Variants in FARP2 observed in about 807,000 individuals in gnomAD.
The protein encoded by FARP2 is FERM, ARHGEF and pleckstrin domain-containing protein 2.
A neutral mutation model predicts 130.5 loss-of-function variants in FARP2; 111 were observed. The observed-to-expected ratio is 0.85, with a 90% CI of 0.73 to 1.00. The LOEUF (loss-of-function observed/expected upper bound fraction) is 1.00. Ranked by LOEUF, FARP2 falls within the 50% of genes least tolerant of loss-of-function variation. The pLI, the probability that FARP2 is intolerant of heterozygous loss-of-function variation, is 0.00. For synonymous variants in FARP2, 504 were observed against 516.9 expected, an observed-to-expected ratio of 0.98 and a Z score of 0.34; for missense variants, 1,385 against 1,346.3, an observed-to-expected ratio of 1.03 and a Z score of -0.45.
At chr2:241,379,950 A>G (rs2061622425) in intron 2 of FARP2, among the ~76,000 whole-genome samples, 1 of 152,170 alleles carries the variant, frequency 6.6e-6, no homozygotes, top group South Asian at 2.1e-4. Context: ...AGAGATGTGG[A>G]CATTTTTATT....
At chr2:241,491,308 C>A in intron 23 of FARP2, 129 bp downstream of exon 23, 1 of 860,850 alleles carries the variant, frequency 1.2e-6, no homozygotes. Context: ...AGGAATGTTC[C>A]AGGCTACGCC....
chr2:241,491,389 G>A (rs2064903195), intron 23 of FARP2, 127 bp from the exon 24 acceptor site: 4 of 1,075,078 alleles, frequency 3.7e-6, no homozygotes, highest in Non-Finnish European at 5.4e-6. Context: ...CTCTCAGCCA[G>A]CAGCTGGCCT....
chr2:241,460,865 A>C (rs1224132557), intron 14 of FARP2, among the ~76,000 whole-genome samples: 1 of 152,162 alleles, frequency 6.6e-6, no homozygotes, highest in Non-Finnish European at 1.5e-5. Flanking sequence ...GGACGTGTGC[A>C]GGACTCTGGC....
intron 8 of FARP2, among the ~76,000 whole-genome samples, chr2:241,430,981 TAG>T (rs1453383882): frequency 6.7e-6 from 1 of 150,232 alleles, no homozygotes; most frequent in Non-Finnish European, 1.5e-5. Flanking sequence ...GCCTAGGTGA[TAG>T]AGTGAGACTC....
intron 2 of FARP2, among the ~76,000 whole-genome samples, chr2:241,377,328 G>C (rs1425723661): frequency 6.8e-6 from 1 of 147,516 alleles, no homozygotes; most frequent in Admixed American, 7.0e-5. Flanking sequence ...ATGTTTTGTT[G>C]GTTTCTTTTT....
At chr2:241,443,623 A>G (rs1196024948) in intron 13 of FARP2, 1 of 152,298 alleles carries the variant, frequency 6.6e-6, no homozygotes, top group East Asian at 1.9e-4. Context: ...GTCAAGGCTG[A>G]TGTTTGTGGC....
chr2:241,436,949 A>G (rs1200719120), intron 12 of FARP2, among the ~76,000 whole-genome samples: 1 of 152,214 alleles, frequency 6.6e-6, no homozygotes, highest in African/African-American at 2.4e-5. Flanking sequence ...TAGTGGCACT[A>G]CACTCCAGCC....
At chr2:241,466,347 C>T (rs891958908) in intron 17 of FARP2, 1 of 985,324 alleles carries the variant, frequency 1.0e-6, no homozygotes, top group Admixed American at 6.1e-5. Flanking sequence ...CACTATACAA[C>T]TCCTGGAGCG....
At chr2:241,441,577 G>C in intron 13 of FARP2, 21 bp downstream of exon 13, 1 of 1,613,810 alleles carries the variant, frequency 6.2e-7, no homozygotes. Context: ...TTGTCATGTC[G>C]TGAGCAGCTG....
intron 18 of FARP2, among the ~76,000 whole-genome samples, chr2:241,471,157 G>A (rs1288319904): frequency 1.3e-5 from 2 of 150,960 alleles, no homozygotes; most frequent in African/African-American, 2.4e-5. Context: ...CTGTTCTGAC[G>A]GGGGTCCTGT....
At chr2:241,434,514 T>G (rs2063169625) in intron 10 of FARP2, among the ~76,000 whole-genome samples, 193 bp downstream of exon 10, 1 of 152,138 alleles carries the variant, frequency 6.6e-6, no homozygotes, top group African/African-American at 2.4e-5. Flanking sequence ...AATAAAAACT[T>G]TGCTTACAAA....
At chr2:241,382,290 C>CTCTTTTTTTTTTTTTTTTTTTTTTTTTTT (rs1553709361) in intron 2 of FARP2, among the ~76,000 whole-genome samples, 1 of 127,198 alleles carries the variant, frequency 7.9e-6, no homozygotes. Context: ...TGTACAAAAT[C>CTCTTTTTTTTTTTTTTTTTTTTTTTTTTT]TATTTTTTTT....
rs537872254 is a variant in FARP2, at chr2:241,420,299, A to T, written c.771+2190A>T. ...AGATGCATCATTACATGGAGAAAAGATTGAAAACTCTGTATAGTAGCTACT... is the reference window on the plus strand; with the variant it reads ...AGATGCATCATTACATGGAGAAAAGTTTGAAAACTCTGTATAGTAGCTACT... On this transcript the variant is annotated intron_variant, in intron 8 of 26. Coordinates refer to ENST00000264042, the MANE Select transcript of FARP2 (RefSeq NM_014808.4). Among the ~76,000 whole-genome samples, 217 of 152,338 alleles carry T rather than the reference A, an allele frequency of 1.4e-3. 1 individual carries two copies. Among genetic ancestry groups the T allele is most frequent in the Non-Finnish European group, 2.5e-3 (167 of 68,024 alleles).
intron 12 of FARP2, among the ~76,000 whole-genome samples, chr2:241,437,724 G>A (rs934474307): frequency 6.6e-6 from 1 of 150,662 alleles, no homozygotes; most frequent in East Asian, 2.0e-4. Context: ...GAGTATAGTG[G>A]CGCGATCTCG....
chr2:241,444,831 G>T (rs2063476022), intron 13 of FARP2: 1 of 152,142 alleles, frequency 6.6e-6, no homozygotes, highest in East Asian at 1.9e-4. Flanking sequence ...GGAATGTAAG[G>T]AACCCGCATC....
At chr2:241,490,956 G>A in intron 22 of FARP2, 105 bp from the exon 23 acceptor site, 2 of 833,498 alleles carry the variant, frequency 2.4e-6, no homozygotes, top group Non-Finnish European at 4.1e-6. Flanking sequence ...GCAGGACAAA[G>A]CAGAATGTGA....
At chr2:241,436,128 G>A (rs1403069905) in intron 11 of FARP2, among the ~76,000 whole-genome samples, 5 of 147,770 alleles carry the variant, frequency 3.4e-5, no homozygotes, top group Non-Finnish European at 7.5e-5. Context: ...TAGCCAGGAT[G>A]GTCTTGATCT....
At chr2:241,359,333 C>T (rs933068610) in intron 1 of FARP2, among the ~76,000 whole-genome samples, 5 of 152,196 alleles carry the variant, frequency 3.3e-5, no homozygotes, top group African/African-American at 1.2e-4. Context: ...TTAATCCCAT[C>T]TTTCCCCTTC....
chr2:241,483,430 GC>G (rs2064674121), intron 19 of FARP2, 34 bp from the exon 20 acceptor site: 1 of 1,596,538 alleles, frequency 6.3e-7, no homozygotes, highest in Non-Finnish European at 8.6e-7. Flanking sequence ...GCTGCCCTCA[GC>G]CCGCTGAAAG....
Sources: allele counts gnomAD v4.1 joint callset (sites outside exome capture counted in the v4.1 genomes callset), GRCh38; gene constraint gnomAD v4.1.1; transcripts MANE v1.5; gene names NCBI Gene and HGNC (gene_info 2026-07-23, HGNC 2026-07-21).